The following GRM1 variants were observed in gnomAD, a reference collection of about 807,000 sequenced individuals.
GRM1 encodes glutamate metabotropic receptor 1, also known as metabotropic glutamate receptor 1.
A neutral mutation model predicts 90.9 loss-of-function variants in GRM1; 33 were observed. That is an observed-to-expected ratio of 0.36 (90% CI 0.28 to 0.49). The LOEUF is 0.49. Among genes scored for constraint, GRM1 ranks in the 20% least tolerant of loss-of-function variants. GRM1 has a pLI of 0.99. For synonymous variants in GRM1, 700 were observed against 613.2 expected (o/e 1.14, Z -2.09); for missense variants, 1,190 against 1,534.3 (o/e 0.78, Z 3.75).
intron 1 of GRM1, among the ~76,000 whole-genome samples, chr6:146,111,219 G>T (rs1322654782): frequency 6.6e-6 from 1 of 152,170 alleles, no homozygotes; most frequent in Non-Finnish European, 1.5e-5. Flanking sequence ...CCATTTTGGA[G>T]ATAAGATTTT....
chr6:146,252,945 A>G (rs1781350585), intron 2 of GRM1, among the ~76,000 whole-genome samples: 3 of 150,880 alleles, frequency 2.0e-5, no homozygotes, highest in African/African-American at 7.3e-5. Context: ...TTGTAGTCCC[A>G]GCTACTCAGG....
chr6:146,305,741 T>A (rs189168322), intron 3 of GRM1, among the ~76,000 whole-genome samples: 1 of 152,214 alleles, frequency 6.6e-6, no homozygotes, highest in Non-Finnish European at 1.5e-5. Context: ...GTATGTAGGC[T>A]ACGCAGATAT....
intron 6 of GRM1, among the ~76,000 whole-genome samples, chr6:146,388,580 G>C (rs759027906): frequency 6.6e-6 from 1 of 152,002 alleles, no homozygotes; most frequent in East Asian, 1.9e-4. Context: ...CTAGTACAAA[G>C]GTCCTTTTTA....
At chr6:146,054,338 CA>C (rs1171986708) in intron 1 of GRM1, among the ~76,000 whole-genome samples, 4 of 152,020 alleles carry the variant, frequency 2.6e-5, no homozygotes, top group Admixed American at 2.6e-4. Flanking sequence ...GGAAAACAAG[CA>C]TCATATATTT....
At chr6:146,105,850 C>G (rs1036375383) in intron 1 of GRM1, among the ~76,000 whole-genome samples, 18 of 152,248 alleles carry the variant, frequency 1.2e-4, no homozygotes, top group African/African-American at 4.3e-4. Flanking sequence ...CAGATTGGGA[C>G]TCCACAGGCT....
In GRM1 at chr6:146,434,567, C is replaced by T. The variant is rs1483429078; in HGVS notation, c.3356C>T (p.Thr1119Met). The change falls in exon 8 of 8, where the codon ACG (threonine) becomes ATG (methionine). Residue 1119 changes from threonine to methionine, a missense_variant. By Grantham distance (81) the Thr-to-Met change is moderately conservative. Coordinates refer to ENST00000282753, the MANE Select transcript of GRM1 (RefSeq NM_001278064.2). ...TATGAGCACGAGCGGGAAGGGAACA[C>T]GGAAGAAGACGAACTGGAAGAGGAG... is the stretch of plus-strand genomic sequence containing the variant. The part of the protein sequence containing the change: ...YVYEHEREGN[T>M]EEDELEEEEE... The T allele has an allele frequency of 6.2e-7, 1 of 1,613,960 alleles. No individual in the cohort carries two copies. Among genetic ancestry groups the T allele is most frequent in the Non-Finnish European group, 8.5e-7 (1 of 1,180,024 alleles).
chr6:146,213,717 T>C (rs574206166), intron 2 of GRM1, among the ~76,000 whole-genome samples: 84 of 151,880 alleles, frequency 5.5e-4, no homozygotes, highest in Admixed American at 2.5e-3. Context: ...GATAGATAGA[T>C]AGATAGATAG....
intron 3 of GRM1, among the ~76,000 whole-genome samples, chr6:146,336,737 T>C (rs1180165993): frequency 6.6e-6 from 1 of 152,186 alleles, no homozygotes; most frequent in Non-Finnish European, 1.5e-5. Flanking sequence ...TGGCAACTCT[T>C]CTGATTTGAT....
intron 2 of GRM1, among the ~76,000 whole-genome samples, chr6:146,243,353 A>C (rs1780934500): frequency 6.6e-6 from 1 of 151,996 alleles, no homozygotes; most frequent in South Asian, 2.1e-4. Flanking sequence ...TTACTTTAGG[A>C]GTGTTTCTGT....
intron 2 of GRM1, among the ~76,000 whole-genome samples, chr6:146,183,840 C>A (rs1210611114): frequency 6.6e-6 from 1 of 152,180 alleles, no homozygotes; most frequent in Admixed American, 6.5e-5. Flanking sequence ...CTATCTCTTG[C>A]ATATGGCATA....
At chr6:146,390,916 A>C (rs1437046070) in intron 6 of GRM1, among the ~76,000 whole-genome samples, 1 of 152,092 alleles carries the variant, frequency 6.6e-6, no homozygotes, top group Non-Finnish European at 1.5e-5. Flanking sequence ...TTGCAGAAGA[A>C]GGGACATTTG....
At chr6:146,419,811 G>A (rs1286841406) in intron 7 of GRM1, among the ~76,000 whole-genome samples, 2 of 152,124 alleles carry the variant, frequency 1.3e-5, no homozygotes, top group Admixed American at 6.6e-5. Flanking sequence ...AAGGGGGAAG[G>A]GGGAAGCCTG....
chr6:146,394,288 T>C (rs1022864428), intron 6 of GRM1, among the ~76,000 whole-genome samples: 1 of 152,144 alleles, frequency 6.6e-6, no homozygotes, highest in African/African-American at 2.4e-5. Context: ...GTGATGATTG[T>C]CTCTAGTATA....
chr6:146,333,243 G>T (rs1784646958), intron 3 of GRM1, among the ~76,000 whole-genome samples: 1 of 152,120 alleles, frequency 6.6e-6, no homozygotes, highest in Non-Finnish European at 1.5e-5. Context: ...GACCATTACT[G>T]ACATGGGTAC....
chr6:146,422,896 G>C (rs1778050121), intron 7 of GRM1, among the ~76,000 whole-genome samples: 1 of 149,908 alleles, frequency 6.7e-6, no homozygotes, highest in Non-Finnish European at 1.5e-5. Flanking sequence ...CTTTACAAAA[G>C]GAAGAAAGGA....
Position 146,357,561 on chromosome 6 carries a change from A to G in GRM1, c.1469A>G (p.Asn490Ser), listed in dbSNP as rs775619516. The change falls in exon 5 of 8, where the codon AAT (asparagine) becomes AGT (serine). Residue 490 changes from asparagine to serine, a missense_variant. Around this residue, in one of 10 missense-constraint regions of GRM1, gnomAD observed 414 missense variants for 598.4 expected, o/e 0.69. Coordinates refer to ENST00000282753, the MANE Select transcript of GRM1 (RefSeq NM_001278064.2). The stretch of plus-strand genomic sequence containing the variant: ...ATGAATCTGCAGTACACTGAAGCTA[A>G]TCGCTATGACTATGTGCACGTTGGA... ...DIMNLQYTEA[N>S]RYDYVHVGTW... 4 of 1,613,846 alleles carry G rather than the reference A, an allele frequency of 2.5e-6. No homozygotes were observed. The highest frequency in any genetic ancestry group is 1.1e-5 in the South Asian group (1 of 91,086).
At position 146,352,307 on chromosome 6, in the gene GRM1, A is replaced by G. The variant is rs750321663; in HGVS notation, c.1244A>G (p.Asn415Ser). Residue 415 changes from asparagine to serine, a missense_variant, in exon 4 of 8, where the codon AAT becomes AGT. By Grantham distance (46) the Asn-to-Ser change is conservative (BLOSUM62 1). Coordinates refer to ENST00000282753, the MANE Select transcript of GRM1 (RefSeq NM_001278064.2). ...GACAGTAAGATGGGGTTTGTCATCA[A>G]TGCCATCTATGCCATGGCACATGGG... ...VQDSKMGFVI[N>S]AIYAMAHGLQ... The G allele has an allele frequency of 1.2e-6, 2 of 1,613,098 alleles. No homozygotes were observed. The highest frequency in any genetic ancestry group is 1.1e-5 in the South Asian group (1 of 91,072).
intron 7 of GRM1, among the ~76,000 whole-genome samples, chr6:146,407,674 G>A (rs1248644534): frequency 6.6e-6 from 1 of 152,132 alleles, no homozygotes. Context: ...AAGAATCTGA[G>A]GCTTGGAAAG....
At chr6:146,417,699 GT>G (rs1290067119) in intron 7 of GRM1, among the ~76,000 whole-genome samples, 8 of 152,070 alleles carry the variant, frequency 5.3e-5, no homozygotes, top group Non-Finnish European at 1.2e-4. Flanking sequence ...CAAAATTTAG[GT>G]TTTTGTGTTA....
Sources: allele counts gnomAD v4.1 joint callset (sites outside exome capture counted in the v4.1 genomes callset), GRCh38; gene constraint gnomAD v4.1.1; regional missense constraint gnomAD v4.1.1; transcripts MANE v1.5; gene names NCBI Gene and HGNC (gene_info 2026-07-23, HGNC 2026-07-21).